The following CNTNAP2 variants were observed in gnomAD, a reference collection of about 807,000 sequenced individuals.
CNTNAP2 encodes contactin-associated protein-like 2.
A neutral mutation model predicts 155.2 loss-of-function variants in CNTNAP2; 98 were observed. That is an observed-to-expected ratio of 0.63 (90% CI 0.54 to 0.75). The LOEUF (loss-of-function observed/expected upper bound fraction) is 0.75. Ranked by LOEUF, CNTNAP2 falls within the 30% of genes least tolerant of loss-of-function variation. The pLI is 0.00. For missense variants in CNTNAP2, 1,727 were observed against 1,688.1 expected (o/e 1.02, Z -0.40); for synonymous variants, 651 against 631.2 (o/e 1.03, Z -0.47).
At chr7:148,102,332 C>G (rs1161457840) in intron 15 of CNTNAP2, among the ~76,000 whole-genome samples, 2 of 152,162 alleles carry the variant, frequency 1.3e-5, no homozygotes, top group Admixed American at 6.6e-5. Context: ...GCATAGTATT[C>G]CATGGTGTAT....
At chr7:148,131,389 G>A (rs997154265) in intron 16 of CNTNAP2, among the ~76,000 whole-genome samples, 4 of 152,068 alleles carry the variant, frequency 2.6e-5, no homozygotes, top group African/African-American at 4.8e-5. Flanking sequence ...AAGCCACCAC[G>A]CCCTGCCAAC....
At chr7:147,079,534 T>C (rs1464160852) in intron 4 of CNTNAP2, among the ~76,000 whole-genome samples, 2 of 151,722 alleles carry the variant, frequency 1.3e-5, no homozygotes, top group Non-Finnish European at 2.9e-5. Context: ...ACATGGCATA[T>C]GTATACATAT....
intron 3 of CNTNAP2, among the ~76,000 whole-genome samples, chr7:147,023,878 C>T (rs937787704): frequency 6.6e-6 from 1 of 152,174 alleles, no homozygotes; most frequent in Admixed American, 6.6e-5. Flanking sequence ...TTTCCCTCTA[C>T]ACTTGGTTTA....
At chr7:146,578,349 A>T (rs1798557299) in intron 1 of CNTNAP2, among the ~76,000 whole-genome samples, 1 of 152,118 alleles carries the variant, frequency 6.6e-6, no homozygotes, top group South Asian at 2.1e-4. Context: ...CTCAATATTT[A>T]ATTTCTTATT....
At chr7:147,575,257 A>C in intron 12 of CNTNAP2, among the ~76,000 whole-genome samples, 1 of 115,792 alleles carries the variant, frequency 8.6e-6, no homozygotes, top group African/African-American at 3.5e-5. Context: ...GTGTGTGTGT[A>C]TTCCCTAGCT....
intron 3 of CNTNAP2, among the ~76,000 whole-genome samples, chr7:147,016,347 C>T (rs1388470549): frequency 3.3e-5 from 5 of 152,004 alleles, no homozygotes; most frequent in African/African-American, 1.2e-4. Context: ...AAATCTCAAA[C>T]GGCAAAGAAT....
chr7:148,109,383 G>GTTTTGTTTTC (rs1804294780), intron 15 of CNTNAP2, among the ~76,000 whole-genome samples: 1 of 148,454 alleles, frequency 6.7e-6, no homozygotes, highest in East Asian at 2.4e-4. Context: ...GTTTTGTTTT[G>GTTTTGTTTTC]TTTTGTTTTG....
chr7:148,394,691 A>G (rs1799427989), intron 22 of CNTNAP2, among the ~76,000 whole-genome samples: 1 of 152,246 alleles, frequency 6.6e-6, no homozygotes, highest in Non-Finnish European at 1.5e-5. Context: ...GCTTAGAATC[A>G]CCTGGGGGAA....
chr7:148,017,949 G>A (rs369905154), intron 15 of CNTNAP2, among the ~76,000 whole-genome samples: 3 of 152,332 alleles, frequency 2.0e-5, no homozygotes, highest in East Asian at 1.9e-4. Flanking sequence ...TAAAGGCAGC[G>A]AGTGACATTT....
rs5017154 is a variant in CNTNAP2 at position 148,331,789 on chromosome 7, G to T, written c.3476-51860G>T. ...TGGATGGATGGAATGGACAGATGGA[G>T]TGGATGGATAGAATGGCCTCCTCTT... On this transcript the variant is annotated intron_variant, in intron 21 of 23. Transcript: ENST00000361727. Among the ~76,000 whole-genome samples, 4 of 19,852 alleles carry T rather than the reference G, an allele frequency of 2.0e-4. 1 individual carries two copies. Among genetic ancestry groups the T allele is most frequent in the East Asian group, 1.1e-3 (1 of 916 alleles). 13.0% of individuals were successfully genotyped at this position (19,852 alleles called of 152,430 possible).
At chr7:146,636,655 A>C (rs1799605020) in intron 1 of CNTNAP2, among the ~76,000 whole-genome samples, 1 of 152,290 alleles carries the variant, frequency 6.6e-6, no homozygotes, top group African/African-American at 2.4e-5. Context: ...AATCATTTTA[A>C]TTTCCCTTCA....
intron 3 of CNTNAP2, among the ~76,000 whole-genome samples, chr7:146,927,960 GTA>G (rs58609819): frequency 0.064 from 9,284 of 146,068 alleles, 329 homozygotes; most frequent in Admixed American, 0.11. Flanking sequence ...TAATGTGTGT[GTA>G]TATATATATA....
intron 1 of CNTNAP2, among the ~76,000 whole-genome samples, chr7:146,615,586 CT>C (rs1406011613): frequency 3.9e-5 from 6 of 152,224 alleles, no homozygotes; most frequent in Admixed American, 2.6e-4. Flanking sequence ...ACACATCACT[CT>C]TGTGCATTCC....
At chr7:148,074,165 G>T (rs183775857) in intron 15 of CNTNAP2, among the ~76,000 whole-genome samples, 1 of 152,144 alleles carries the variant, frequency 6.6e-6, no homozygotes, top group Admixed American at 6.5e-5. Context: ...TTAGATGGTG[G>T]CGTTAGAGTG....
intron 21 of CNTNAP2, chr7:148,339,639 T>C (rs1280668688): frequency 6.6e-6 from 1 of 152,192 alleles, no homozygotes; most frequent in Non-Finnish European, 1.5e-5. Flanking sequence ...AAGAGGCAAG[T>C]ATTGCGCGCG....
chr7:148,247,651 A>ATTTTTTTTTTT (rs1299873575), intron 20 of CNTNAP2, among the ~76,000 whole-genome samples: 1 of 121,558 alleles, frequency 8.2e-6, no homozygotes, highest in Admixed American at 8.0e-5. Flanking sequence ...TTATTTATTT[A>ATTTTTTTTTTT]TTTATTTATT....
intron 11 of CNTNAP2, among the ~76,000 whole-genome samples, chr7:147,504,302 C>T (rs929735426): frequency 9.2e-5 from 14 of 152,090 alleles, no homozygotes; most frequent in African/African-American, 3.1e-4. Flanking sequence ...CCTCACTGAC[C>T]TAGAGGCATG....
intron 15 of CNTNAP2, among the ~76,000 whole-genome samples, chr7:148,030,733 C>T (rs368767329): frequency 3.1e-4 from 45 of 147,364 alleles, no homozygotes; most frequent in African/African-American, 1.0e-3. Context: ...AAGCGTACAG[C>T]ATATTTTCAT....
intron 8 of CNTNAP2, among the ~76,000 whole-genome samples, chr7:147,259,616 C>T (rs1437150847): frequency 2.0e-5 from 3 of 152,124 alleles, no homozygotes; most frequent in Admixed American, 1.3e-4. Flanking sequence ...ACATTTATGG[C>T]AAATACAAAG....
Sources: allele counts gnomAD v4.1 joint callset (sites outside exome capture counted in the v4.1 genomes callset), GRCh38; gene constraint gnomAD v4.1.1; transcripts MANE v1.5; gene names NCBI Gene and HGNC (gene_info 2026-07-23, HGNC 2026-07-21).